CA10: variants seen among roughly 807,000 people sequenced by gnomAD.
The protein encoded by CA10 is carbonic anhydrase 10 (inactive).
A neutral mutation model predicts 44.2 loss-of-function variants in CA10; 14 were observed. That is an observed-to-expected ratio of 0.32 (90% CI 0.21 to 0.50). The LOEUF (loss-of-function observed/expected upper bound fraction) is 0.50. CA10 is among the 20% of genes least tolerant of loss of function. The probability of loss-of-function intolerance (pLI) is 0.99; values close to 1 mark genes in which losing one functional copy is unlikely to be tolerated. For synonymous variants in CA10, 159 were observed against 141.6 expected (o/e 1.12, Z -0.87); for missense variants, 350 against 409.7 (o/e 0.85, Z 1.26).
intron 2 of CA10, among the ~76,000 whole-genome samples, chr17:52,005,305 T>G (rs1985561091): frequency 6.6e-6 from 1 of 151,958 alleles, no homozygotes; most frequent in Non-Finnish European, 1.5e-5. Flanking sequence ...GTTGTGACAT[T>G]ATTGTGAAGT....
At chr17:52,015,553 G>A (rs1985941868) in intron 2 of CA10, among the ~76,000 whole-genome samples, 1 of 152,074 alleles carries the variant, frequency 6.6e-6, no homozygotes, top group Non-Finnish European at 1.5e-5. Flanking sequence ...AAGGCTTAAG[G>A]AGGAAGGCAA....
At chr17:52,076,509 C>A (rs1348243394) in intron 1 of CA10, among the ~76,000 whole-genome samples, 1 of 152,116 alleles carries the variant, frequency 6.6e-6, no homozygotes, top group Non-Finnish European at 1.5e-5. Flanking sequence ...ATTCACCCTC[C>A]AAAAATCAAT....
chr17:51,670,276 A>G (rs1372625826), intron 4 of CA10, among the ~76,000 whole-genome samples: 1 of 152,210 alleles, frequency 6.6e-6, no homozygotes, highest in East Asian at 1.9e-4. Flanking sequence ...TCAATGCCCT[A>G]CAGAGGTCAT....
At chr17:51,972,302 A>G (rs1267710228) in intron 2 of CA10, among the ~76,000 whole-genome samples, 2 of 151,470 alleles carry the variant, frequency 1.3e-5, no homozygotes, top group Non-Finnish European at 1.5e-5. Context: ...TTTACTTTTT[A>G]TCCTCACTAA....
rs138185006 is a variant in CA10 at position 51,925,327 on chromosome 17, A to G, written c.279+5663T>C. 4.2e-3 allele frequency among the ~76,000 whole-genome samples: 635 copies of G among 152,062 alleles called. 3 individuals carry two copies. The highest frequency in any genetic ancestry group is 0.014 in the African/African-American group (601 of 41,506). ...GTTGTATTCCAAAAACTTGTACTGG[A>G]TGTCTGTGAAAGTCTGCCAATTCAT... On this transcript the variant is annotated intron_variant, in intron 3 of 8. Coordinates refer to ENST00000451037, the MANE Select transcript of CA10 (RefSeq NM_020178.5).
chr17:52,073,099 G>A (rs1235609884), intron 1 of CA10, among the ~76,000 whole-genome samples: 1 of 152,156 alleles, frequency 6.6e-6, no homozygotes, highest in Non-Finnish European at 1.5e-5. Flanking sequence ...ATAAATTTAT[G>A]CTTATCCCTT....
At chr17:51,822,011 C>T (rs1399635978) in intron 3 of CA10, among the ~76,000 whole-genome samples, 1 of 152,178 alleles carries the variant, frequency 6.6e-6, no homozygotes, top group African/African-American at 2.4e-5. Flanking sequence ...AGCACACACT[C>T]ACCTGAGAGT....
At chr17:52,111,069 T>C (rs1288757627) in intron 1 of CA10, among the ~76,000 whole-genome samples, 2 of 152,232 alleles carry the variant, frequency 1.3e-5, no homozygotes, top group Non-Finnish European at 2.9e-5. Context: ...AAAGCCAGCA[T>C]GAATAGCTTT....
intron 3 of CA10, among the ~76,000 whole-genome samples, chr17:51,780,722 G>A (rs1906024606): frequency 6.6e-6 from 1 of 152,192 alleles, no homozygotes; most frequent in Admixed American, 6.5e-5. Context: ...TCTTCTCAGA[G>A]GGTATTGAGT....
chr17:51,874,400 A>AC (rs1047257446), intron 3 of CA10, among the ~76,000 whole-genome samples: 2 of 151,670 alleles, frequency 1.3e-5, no homozygotes, highest in African/African-American at 2.4e-5. Flanking sequence ...AAAAAAAAAA[A>AC]AAAAAACAAA....
At chr17:51,636,721 A>G (rs1481757971) in intron 6 of CA10, among the ~76,000 whole-genome samples, 1 of 151,924 alleles carries the variant, frequency 6.6e-6, no homozygotes, top group African/African-American at 2.4e-5. Context: ...AGAAAAGTAA[A>G]TCAGGCCAAA....
rs1320630816 is a variant in CA10 at position 51,717,901 on chromosome 17, G to T, written c.465+29732C>A. 7.0e-4 allele frequency among the ~76,000 whole-genome samples: 2 copies of T among 2,838 alleles called. 1 individual carries two copies. Among genetic ancestry groups the T allele is most frequent in the African/African-American group, 3.6e-3 (2 of 560 alleles). The allele number at this position is 2,838 out of a possible 152,430, so 1.9% of individuals were successfully genotyped here. ...AGAATACTCACTCAGCCATAAAAAG[G>T]AATGAATTAACAGGATTTGCGACTT... On this transcript the variant is annotated intron_variant, in intron 4 of 8. Transcript: ENST00000451037.
At chr17:52,065,582 C>T (rs1318256494) in intron 2 of CA10, among the ~76,000 whole-genome samples, 1 of 152,160 alleles carries the variant, frequency 6.6e-6, no homozygotes, top group Non-Finnish European at 1.5e-5. Context: ...GCTCATATGG[C>T]CCTCTTCTCT....
intron 4 of CA10, among the ~76,000 whole-genome samples, chr17:51,662,206 A>C (rs983958608): frequency 6.6e-6 from 1 of 152,210 alleles, no homozygotes; most frequent in Non-Finnish European, 1.5e-5. Flanking sequence ...TAGTCCTTTA[A>C]ACTTTTCAAG....
intron 3 of CA10, among the ~76,000 whole-genome samples, chr17:51,795,288 A>C (rs1906663848): frequency 6.6e-6 from 1 of 152,234 alleles, no homozygotes; most frequent in Admixed American, 6.5e-5. Flanking sequence ...TAAAACAGTG[A>C]GGACCAACAT....
At chr17:52,029,232 A>G (rs754856502) in intron 2 of CA10, among the ~76,000 whole-genome samples, 8 of 152,142 alleles carry the variant, frequency 5.3e-5, no homozygotes, top group Non-Finnish European at 1.2e-4. Flanking sequence ...ACCCACCTAG[A>G]TCTCCTGGAC....
At chr17:51,675,123 C>T (rs17696842) in intron 4 of CA10, among the ~76,000 whole-genome samples, 20,692 of 152,194 alleles carry the variant, frequency 0.14, 1,824 homozygotes, top group Non-Finnish European at 0.19. Context: ...CGTAGTTTTG[C>T]AGAGGATGCT....
At position 51,907,016 on chromosome 17, in the gene CA10, T is replaced by C. The variant is rs1286542744; in HGVS notation, c.279+23974A>G. The stretch of plus-strand genomic sequence containing the variant: ...CACAGCAGTTGGAGTGATCTTTCAA[T>C]AACCTGTACCAAGTCTTTCCAATAT... On this transcript the variant is annotated intron_variant, in intron 3 of 8. Coordinates refer to ENST00000451037, the MANE Select transcript of CA10 (RefSeq NM_020178.5). 2.0e-5 allele frequency among the ~76,000 whole-genome samples: 3 copies of C among 152,202 alleles called. 1 individual carries two copies. The highest frequency in any genetic ancestry group is 4.1e-4 in the South Asian group (2 of 4,834).
intron 2 of CA10, among the ~76,000 whole-genome samples, chr17:52,055,204 G>A (rs906084027): frequency 4.6e-5 from 7 of 151,934 alleles, no homozygotes; most frequent in Non-Finnish European, 1.5e-5. Context: ...GTAACACCTA[G>A]GACTATCTTA....
Sources: allele counts gnomAD v4.1 joint callset (sites outside exome capture counted in the v4.1 genomes callset), GRCh38; gene constraint gnomAD v4.1.1; transcripts MANE v1.5; gene names NCBI Gene and HGNC (gene_info 2026-07-23, HGNC 2026-07-21).